The following ANAPC5 variants were observed in gnomAD, a reference collection of about 807,000 sequenced individuals.
ANAPC5 encodes anaphase promoting complex subunit 5, also known as anaphase-promoting complex subunit 5.
ANAPC5 carries 60 observed loss-of-function variants against 91.3 expected under a neutral mutation model. The ratio of observed to expected loss-of-function variants is 0.66; its 90% CI spans 0.53 to 0.81. The LOEUF (loss-of-function observed/expected upper bound fraction) is 0.81. ANAPC5 is among the 40% of genes least tolerant of loss of function. The pLI, the probability that ANAPC5 is intolerant of heterozygous loss-of-function variation, is 0.00. For missense variants in ANAPC5, 690 were observed against 931.5 expected (o/e 0.74, Z 3.37); for synonymous variants, 340 against 364.1 (o/e 0.93, Z 0.75).
Position 121,320,420 on chromosome 12 carries a change from T to C in ANAPC5, c.1480A>G (p.Lys494Glu). 1.2e-6 allele frequency: 2 copies of C among 1,613,884 alleles called. No individual in the cohort carries two copies. The highest frequency in any genetic ancestry group is 1.7e-6 in the Non-Finnish European group (2 of 1,179,794). ...AAASEVLKHL[K>E]ERFPPNSQHA... is the part of the protein sequence containing the mutation. ...TGACTATTAGGCGGAAATCGTTCCT[T>C]CAAGTGCTTTAACACTTCAGAAGCT... The change falls in exon 12 of 17, where the codon AAG (lysine) becomes GAG (glutamate). Residue 494 changes from lysine to glutamate, a missense_variant. Around this residue, in one of 5 missense-constraint regions of ANAPC5, gnomAD observed 317 missense variants for 438.7 expected, o/e 0.72. Coordinates refer to ENST00000261819, the MANE Select transcript of ANAPC5 (RefSeq NM_016237.5).
intron 4 of ANAPC5, among the ~76,000 whole-genome samples, chr12:121,345,095 G>A (rs114334895): frequency 2.0e-5 from 3 of 152,270 alleles, no homozygotes; most frequent in African/African-American, 7.2e-5. Context: ...TGAGATAAGT[G>A]AACAAGTTCC....
At chr12:121,328,126 C>G (rs1902893070) in intron 10 of ANAPC5, 190 bp downstream of exon 10, 1 of 550,392 alleles carries the variant, frequency 1.8e-6, no homozygotes, top group Non-Finnish European at 3.2e-6. Context: ...TAAGAAGGAA[C>G]ATGCATGGGA....
chr12:121,318,459 TCCA>T, intron 14 of ANAPC5, 35 bp from the exon 15 acceptor site: 2 of 1,611,374 alleles, frequency 1.2e-6, no homozygotes, highest in Non-Finnish European at 1.7e-6. Flanking sequence ...GATGAGAAGA[TCCA>T]CCACCACATC....
chr12:121,326,746 A>G, intron 11 of ANAPC5: 1 of 184,992 alleles, frequency 5.4e-6, no homozygotes, highest in Non-Finnish European at 1.1e-5. Context: ...ATTTACAACC[A>G]ACATTAGTTA....
At chr12:121,337,254 C>T (rs1555273588) in intron 6 of ANAPC5, 37 bp downstream of exon 6, 1 of 1,561,058 alleles carries the variant, frequency 6.4e-7, no homozygotes, top group Non-Finnish European at 8.8e-7. Context: ...CTTGTCATTC[C>T]TTTCCAACAC....
At chr12:121,335,283 A>G (rs1903186940) in intron 7 of ANAPC5, 1 of 246,982 alleles carries the variant, frequency 4.0e-6, no homozygotes, top group East Asian at 8.2e-5. Flanking sequence ...CTCCTGCCTC[A>G]GTCTCCTGAG....
In ANAPC5 at chr12:121,331,425, T is replaced by C. The variant is rs781824563; in HGVS notation, c.954A>G (p.Gln318=). 2 of 1,607,882 alleles carry C rather than the reference T, an allele frequency of 1.2e-6. No individual in the cohort carries two copies. The highest frequency in any genetic ancestry group is 1.1e-5 in the South Asian group (1 of 90,942). ...AALHCRFGHY[Q]QAELALQEAI... ...CCTCCTGCAGGGCGAGCTCTGCCTGTTGACTAATGACAGACTAAACATTAA... is the reference window on the plus strand; with the variant it reads ...CCTCCTGCAGGGCGAGCTCTGCCTGCTGACTAATGACAGACTAAACATTAA... Residue 318 remains glutamine (Q), a synonymous_variant, in exon 8 of 17, where the codon CAA becomes CAG. Coordinates refer to ENST00000261819, the MANE Select transcript of ANAPC5 (RefSeq NM_016237.5).
intron 12 of ANAPC5, 106 bp downstream of exon 12, chr12:121,320,279 T>G (rs1479316395): frequency 9.1e-7 from 1 of 1,093,902 alleles, no homozygotes; most frequent in Non-Finnish European, 1.3e-6. Context: ...AAGTTCCTTT[T>G]TAGCTCAATA....
Position 121,341,946 on chromosome 12 carries a change from CTAG to C in ANAPC5, c.657+54_657+56del. The C allele has an allele frequency of 2.9e-6, 4 of 1,371,570 alleles. No homozygotes were observed. The South Asian group carries it at 3.6e-5, about 13-fold the overall frequency. The allele number at this position is 1,371,570 out of a possible 1,614,324, so 85.0% of individuals were successfully genotyped here. A position where few individuals can be genotyped will look rare whatever the true frequency, so the allele number is the denominator to read the frequency against. On this transcript the variant is annotated intron_variant, in intron 5 of 16. Coordinates refer to ENST00000261819, the MANE Select transcript of ANAPC5 (RefSeq NM_016237.5). ...CTATGCCACAACACACATCACAGGA[CTAG>C]ACACATCACAGGACTAGAACAGAAG...
At chr12:121,315,888 G>T (rs1270332979) in intron 15 of ANAPC5, among the ~76,000 whole-genome samples, 1 of 152,108 alleles carries the variant, frequency 6.6e-6, no homozygotes, top group Non-Finnish European at 1.5e-5. Flanking sequence ...CATTAGATTT[G>T]TCAGTATCTT....
At position 121,328,416 on chromosome 12, in the gene ANAPC5, G is replaced by C; in HGVS notation, c.1204C>G (p.Leu402Val). Residue 402 changes from leucine to valine, a missense_variant, in exon 10 of 17, where the codon CTA (leucine) becomes GTA (valine). Transcript: ENST00000261819. The part of the protein sequence containing the change: ...GKTANKLMDA[L>V]KDSDLLHWKH... ...CAGTGCAGGAGGTCGGAGTCCTTTA[G>C]GGCATCCATCAGCTTGTTTGCCGTC... The C allele has an allele frequency of 6.2e-7, 1 of 1,613,904 alleles. No individual in the cohort carries two copies. Among genetic ancestry groups the C allele is most frequent in the Non-Finnish European group, 8.5e-7 (1 of 1,179,972 alleles).
At chr12:121,322,215 G>A (rs1218993938) in intron 11 of ANAPC5, among the ~76,000 whole-genome samples, 1 of 149,948 alleles carries the variant, frequency 6.7e-6, no homozygotes, top group African/African-American at 2.5e-5. Flanking sequence ...CTGGAGTGCA[G>A]TGGTGTGGTC....
At chr12:121,332,577 G>GTTTTTTTTTTTTT (rs60691023) in intron 7 of ANAPC5, 1 of 149,312 alleles carries the variant, frequency 6.7e-6, no homozygotes, top group Non-Finnish European at 1.5e-5. Flanking sequence ...TCTATAACAA[G>GTTTTTTTTTTTTT]TTTTTTTTTT....
intron 15 of ANAPC5, among the ~76,000 whole-genome samples, chr12:121,315,405 C>T (rs1279073127): frequency 6.6e-6 from 1 of 152,186 alleles, no homozygotes; most frequent in East Asian, 1.9e-4. Flanking sequence ...ATCAAAATTA[C>T]AACTACTGTT....
intron 7 of ANAPC5, chr12:121,332,020 T>C (rs1201229606): frequency 6.6e-6 from 1 of 152,144 alleles, no homozygotes; most frequent in Non-Finnish European, 1.5e-5. Flanking sequence ...TTTTTAAAAA[T>C]AGATATAGAG....
chr12:121,310,227 T>C (rs895528746), intron 15 of ANAPC5: 3 of 147,546 alleles, frequency 2.0e-5, no homozygotes, highest in African/African-American at 8.9e-5. Context: ...GAGATTCCGG[T>C]TGGTGTTAGT....
Position 121,319,733 on chromosome 12 carries a change from C to G in ANAPC5, c.1601G>C (p.Gly534Ala). ...CTCTATGCTATTGAGAGCTGTGATT[C>G]CTGTAACAAGTGAATCAGCCAAATG... ...KYHLADSLVT[G>A]ITALNSIEGV... Residue 534 changes from glycine to alanine, a missense_variant, in exon 13 of 17, where the codon GGA becomes GCA. By Grantham distance (60) the Gly-to-Ala change is moderately conservative (BLOSUM62 0). This residue lies in a region of ANAPC5 where 317 missense variants were observed against 438.7 expected (regional missense o/e 0.72). Transcript: ENST00000261819. 6.2e-7 allele frequency: 1 copy of G among 1,612,636 alleles called. No individual in the cohort carries two copies. Among genetic ancestry groups the G allele is most frequent in the Non-Finnish European group, 8.5e-7 (1 of 1,179,574 alleles).
chr12:121,347,136 T>C, intron 2 of ANAPC5, 131 bp from the exon 3 acceptor site: 3 of 533,760 alleles, frequency 5.6e-6, no homozygotes, highest in Non-Finnish European at 9.8e-6. Flanking sequence ...TGGTGGCTCA[T>C]AAAACAAACT....
chr12:121,322,050 G>C (rs969330493), intron 11 of ANAPC5, among the ~76,000 whole-genome samples: 1 of 151,872 alleles, frequency 6.6e-6, no homozygotes, highest in African/African-American at 2.4e-5. Flanking sequence ...ATTTTTAGGA[G>C]AGACAGGGTT....
Sources: allele counts gnomAD v4.1 joint callset (sites outside exome capture counted in the v4.1 genomes callset), GRCh38; gene constraint gnomAD v4.1.1; regional missense constraint gnomAD v4.1.1; transcripts MANE v1.5; gene names NCBI Gene and HGNC (gene_info 2026-07-23, HGNC 2026-07-21).